The following KANSL1L variants were observed in gnomAD, a reference collection of about 807,000 sequenced individuals.
The protein encoded by KANSL1L is KAT8 regulatory NSL complex subunit 1-like protein.
Under a neutral mutation model 108.6 loss-of-function variants are expected in KANSL1L, and 25 were observed. That is an observed-to-expected ratio of 0.23 (90% CI 0.17 to 0.32). The LOEUF is 0.32. Ranked by LOEUF, KANSL1L falls within the 10% of genes least tolerant of loss-of-function variation. KANSL1L has a pLI of 1.00. For synonymous variants in KANSL1L, 405 were observed against 395.1 expected (o/e 1.03, Z -0.30); for missense variants, 1,137 against 1,125.7 (o/e 1.01, Z -0.14).
At chr2:210,107,735 G>A (rs1280197854) in intron 3 of KANSL1L, among the ~76,000 whole-genome samples, 1 of 151,742 alleles carries the variant, frequency 6.6e-6, no homozygotes, top group East Asian at 1.9e-4. Context: ...GGGTTTCACC[G>A]TGTTAGCCAG....
At chr2:210,060,650 T>A (rs943772695) in intron 6 of KANSL1L, among the ~76,000 whole-genome samples, 1 of 152,214 alleles carries the variant, frequency 6.6e-6, no homozygotes, top group Non-Finnish European at 1.5e-5. Flanking sequence ...GGTAAACAGC[T>A]TACCAGAGAT....
intron 11 of KANSL1L, among the ~76,000 whole-genome samples, chr2:210,027,693 A>G (rs539023161): frequency 3.6e-4 from 55 of 152,178 alleles, no homozygotes; most frequent in Non-Finnish European, 6.9e-4. Flanking sequence ...ATGTTTGCCA[A>G]TTTCTTTGGT....
At chr2:210,080,289 G>C (rs2094579637) in intron 5 of KANSL1L, 1 of 152,060 alleles carries the variant, frequency 6.6e-6, no homozygotes, top group Non-Finnish European at 1.5e-5. Flanking sequence ...CATCTTGCAT[G>C]ATGCTTTCCC....
At chr2:210,050,083 T>C (rs1027690865) in intron 6 of KANSL1L, among the ~76,000 whole-genome samples, 27 of 152,322 alleles carry the variant, frequency 1.8e-4, no homozygotes, top group African/African-American at 6.0e-4. Flanking sequence ...AGCTGTCATT[T>C]GCAGAACAGA....
At chr2:210,049,472 T>C (rs1448602267) in intron 6 of KANSL1L, among the ~76,000 whole-genome samples, 5 of 152,008 alleles carry the variant, frequency 3.3e-5, no homozygotes, top group African/African-American at 9.7e-5. Context: ...AAGTGCAGAA[T>C]TGGACCTAGC....
chr2:210,066,336 C>A (rs1020920792), intron 6 of KANSL1L, among the ~76,000 whole-genome samples: 6 of 152,156 alleles, frequency 3.9e-5, no homozygotes, highest in Admixed American at 3.9e-4. Flanking sequence ...CTTAGGTAAT[C>A]CACAGAATCA....
chr2:210,029,656 T>C (rs569929774), intron 10 of KANSL1L, 147 bp downstream of exon 10: 9 of 444,200 alleles, frequency 2.0e-5, no homozygotes, highest in South Asian at 1.5e-4. Flanking sequence ...ATGAATCAAA[T>C]ATATTGTTTT....
At chr2:210,062,762 A>G (rs1182077746) in intron 6 of KANSL1L, among the ~76,000 whole-genome samples, 1 of 152,190 alleles carries the variant, frequency 6.6e-6, no homozygotes, top group Non-Finnish European at 1.5e-5. Flanking sequence ...ATTTCTAAGC[A>G]GCAAAGTATT....
At chr2:210,066,648 G>A (rs2094469267) in intron 6 of KANSL1L, among the ~76,000 whole-genome samples, 2 of 152,170 alleles carry the variant, frequency 1.3e-5, no homozygotes, top group Non-Finnish European at 2.9e-5. Flanking sequence ...CCAAAGTGTT[G>A]GGATTACAGG....
chr2:210,067,918 C>T (rs1408044103), intron 6 of KANSL1L, among the ~76,000 whole-genome samples: 2 of 151,770 alleles, frequency 1.3e-5, no homozygotes, highest in Non-Finnish European at 2.9e-5. Flanking sequence ...TGCTCTGTTG[C>T]CCAGGCTGGA....
Position 210,163,353 on chromosome 2 carries a change from A to T in KANSL1L, c.-30+7796T>A, listed in dbSNP as rs114249472. On this transcript the variant is annotated intron_variant, in intron 1 of 14. Coordinates refer to ENST00000281772, the MANE Select transcript of KANSL1L (RefSeq NM_152519.4). ...AAATGAAATGCTAGAAATCAAAAACACTGCAACAAAAATAATGTCTTTGAT... is the reference window on the plus strand; with the variant it reads ...AAATGAAATGCTAGAAATCAAAAACTCTGCAACAAAAATAATGTCTTTGAT... Among the ~76,000 whole-genome samples the T allele has an allele frequency of 6.1e-3, 932 of 152,314 alleles. 15 individuals carry two copies. The highest frequency in any genetic ancestry group is 0.022 in the African/African-American group (904 of 41,554).
intron 2 of KANSL1L, among the ~76,000 whole-genome samples, chr2:210,147,326 A>T (rs886349805): frequency 1.3e-5 from 2 of 152,152 alleles, no homozygotes; most frequent in African/African-American, 4.8e-5. Context: ...GCCAAACATG[A>T]TGGCACATAT....
At chr2:210,040,012 C>A (rs1343769432) in intron 8 of KANSL1L, among the ~76,000 whole-genome samples, 2 of 151,422 alleles carry the variant, frequency 1.3e-5, no homozygotes, top group Non-Finnish European at 3.0e-5. Context: ...ATAATAATTC[C>A]TTTTATATTT....
At chr2:210,061,196 A>C (rs2094416210) in intron 6 of KANSL1L, among the ~76,000 whole-genome samples, 1 of 152,240 alleles carries the variant, frequency 6.6e-6, no homozygotes, top group Admixed American at 6.5e-5. Context: ...TCAAAATATA[A>C]TTATTGTAAC....
intron 8 of KANSL1L, among the ~76,000 whole-genome samples, chr2:210,038,848 G>A (rs1275987471): frequency 6.6e-6 from 1 of 151,834 alleles, no homozygotes; most frequent in Non-Finnish European, 1.5e-5. Flanking sequence ...GATTAGTCAA[G>A]GAGAATAGTA....
At position 210,159,969 on chromosome 2, in the gene KANSL1L, G is replaced by A. The variant is rs111587708; in HGVS notation, c.-29-5358C>T. 3.3e-3 allele frequency among the ~76,000 whole-genome samples: 508 copies of A among 152,316 alleles called. 3 individuals carry two copies. The highest frequency in any genetic ancestry group is 0.014 in the South Asian group (67 of 4,824). On this transcript the variant is annotated intron_variant, in intron 1 of 14. Coordinates refer to ENST00000281772, the MANE Select transcript of KANSL1L (RefSeq NM_152519.4). ...GAGAATGGTGTGAACCCGGGAGGTG[G>A]AGCTTGCAGTGAGCCGAGATCACGC...
chr2:210,049,525 G>T (rs957628896), intron 6 of KANSL1L, among the ~76,000 whole-genome samples: 6 of 152,096 alleles, frequency 3.9e-5, no homozygotes, highest in African/African-American at 1.4e-4. Flanking sequence ...GTTTCAGGGA[G>T]GCTGAGGTGG....
chr2:210,028,632 G>A, intron 11 of KANSL1L: 1 of 420,486 alleles, frequency 2.4e-6, no homozygotes, highest in South Asian at 3.9e-5. Flanking sequence ...AGTAGTCTAG[G>A]AATTCCTAAA....
chr2:210,090,930 TTA>T (rs1464288364), intron 5 of KANSL1L, among the ~76,000 whole-genome samples: 1 of 152,234 alleles, frequency 6.6e-6, no homozygotes, highest in Non-Finnish European at 1.5e-5. Flanking sequence ...TTGTATTAAT[TTA>T]CACGTTTCAG....
Sources: gnomAD v4.1 joint callset for allele counts (sites outside exome capture counted in the v4.1 genomes callset) on GRCh38, gnomAD v4.1.1 for gene constraint, MANE v1.5 for transcripts, NCBI Gene and HGNC (gene_info 2026-07-23, HGNC 2026-07-21) for gene names.